Variants in CDH13 observed in about 807,000 individuals in gnomAD.
CDH13 encodes cadherin 13.
CDH13 carries 24 observed loss-of-function variants against 63.8 expected under a neutral mutation model. That is an observed-to-expected ratio of 0.38 (90% CI 0.27 to 0.53). CDH13 has a LOEUF of 0.53. CDH13 is among the 20% of genes least tolerant of loss of function. The pLI is 0.85. For missense variants in CDH13, 1,049 were observed against 903.1 expected, an observed-to-expected ratio of 1.16 and a Z score of -2.07; for synonymous variants, 503 against 355.3, an observed-to-expected ratio of 1.42 and a Z score of -4.67.
intron 2 of CDH13, among the ~76,000 whole-genome samples, chr16:82,988,585 A>T (rs2151399033): frequency 6.6e-6 from 1 of 152,154 alleles, no homozygotes; most frequent in Non-Finnish European, 1.5e-5. Flanking sequence ...AACATGGTGA[A>T]ACCCCGTCTC....
At chr16:83,623,184 G>C (rs898005331) in intron 8 of CDH13, among the ~76,000 whole-genome samples, 9 of 152,166 alleles carry the variant, frequency 5.9e-5, no homozygotes, top group African/African-American at 2.2e-4. Flanking sequence ...CGGTTGAGGG[G>C]CTGAGAGGTG....
At chr16:83,216,945 A>C (rs116981863) in intron 4 of CDH13, among the ~76,000 whole-genome samples, 2,983 of 152,194 alleles carry the variant, frequency 0.02, 55 homozygotes, top group Admixed American at 0.03. Flanking sequence ...AATACCTGGA[A>C]TCTTGATCAA....
intron 10 of CDH13, among the ~76,000 whole-genome samples, chr16:83,685,884 G>C (rs1411513562): frequency 2.0e-5 from 3 of 152,194 alleles, no homozygotes; most frequent in African/African-American, 7.2e-5. Context: ...ACTAGGCCAA[G>C]ATTTTCACAA....
intron 1 of CDH13, among the ~76,000 whole-genome samples, chr16:82,642,808 C>G (rs1032033733): frequency 3.3e-4 from 50 of 152,144 alleles, no homozygotes; most frequent in African/African-American, 1.2e-3. Context: ...ACATGTAATC[C>G]TCATAGTGAC....
At chr16:83,480,496 C>A (rs2073734199) in intron 6 of CDH13, among the ~76,000 whole-genome samples, 1 of 152,174 alleles carries the variant, frequency 6.6e-6, no homozygotes, top group African/African-American at 2.4e-5. Flanking sequence ...TGGCTCATGT[C>A]CACCTGCTTG....
At chr16:83,438,544 G>A (rs1341574471) in intron 6 of CDH13, among the ~76,000 whole-genome samples, 1 of 152,204 alleles carries the variant, frequency 6.6e-6, no homozygotes, top group Non-Finnish European at 1.5e-5. Flanking sequence ...TTTATTTCTA[G>A]TACAGCTGCT....
chr16:83,117,987 G>A (rs779273757), intron 3 of CDH13, among the ~76,000 whole-genome samples: 2 of 152,190 alleles, frequency 1.3e-5, no homozygotes, highest in African/African-American at 4.8e-5. Flanking sequence ...GCATGAAACC[G>A]GAGATCTTTG....
chr16:83,394,791 G>A (rs534634861), intron 6 of CDH13, among the ~76,000 whole-genome samples: 38 of 152,256 alleles, frequency 2.5e-4, no homozygotes, highest in Middle Eastern at 3.4e-3. Context: ...GTTAGTATCC[G>A]CAGGGGTTTG....
chr16:83,322,684 C>A (rs2090257169), intron 5 of CDH13, among the ~76,000 whole-genome samples: 1 of 152,086 alleles, frequency 6.6e-6, no homozygotes, highest in South Asian at 2.1e-4. Context: ...GTCAAGAAAC[C>A]TGGCAGAAAA....
intron 10 of CDH13, among the ~76,000 whole-genome samples, chr16:83,694,357 C>T (rs992885792): frequency 2.6e-5 from 4 of 152,200 alleles, no homozygotes; most frequent in African/African-American, 9.6e-5. Flanking sequence ...GAGTGGGTTA[C>T]TACCTCCCAC....
At chr16:83,359,754 TTC>T (rs1420220737) in intron 6 of CDH13, among the ~76,000 whole-genome samples, 1 of 152,214 alleles carries the variant, frequency 6.6e-6, no homozygotes, top group East Asian at 1.9e-4. Context: ...GTTGTCAGGA[TTC>T]TCTCTCTCAC....
intron 7 of CDH13, among the ~76,000 whole-genome samples, chr16:83,535,504 AG>A (rs2075165458): frequency 6.6e-6 from 1 of 152,188 alleles, no homozygotes; most frequent in Non-Finnish European, 1.5e-5. Context: ...TGAGGACCAA[AG>A]GAAGAGGACA....
intron 6 of CDH13, among the ~76,000 whole-genome samples, chr16:83,370,814 A>G (rs186786281): frequency 1.3e-4 from 20 of 152,298 alleles, no homozygotes; most frequent in East Asian, 1.2e-3. Flanking sequence ...GTTCTTTTGT[A>G]TAGCTGTGTA....
intron 2 of CDH13, among the ~76,000 whole-genome samples, chr16:82,947,653 A>T (rs1359935388): frequency 6.6e-6 from 1 of 152,212 alleles, no homozygotes; most frequent in Non-Finnish European, 1.5e-5. Flanking sequence ...GATATAAAAT[A>T]TCAAAAGCCA....
At chr16:83,191,726 C>T (rs529749509) in intron 4 of CDH13, among the ~76,000 whole-genome samples, 13 of 151,638 alleles carry the variant, frequency 8.6e-5, no homozygotes, top group East Asian at 2.0e-4. Flanking sequence ...CCAGCATGGG[C>T]GAAAGATGTA....
At chr16:83,214,633 TAGAG>T (rs139884201) in intron 4 of CDH13, among the ~76,000 whole-genome samples, 16,562 of 117,714 alleles carry the variant, frequency 0.14, 1,223 homozygotes, top group Non-Finnish European at 0.19. Flanking sequence ...CAGAAAAGGA[TAGAG>T]ATACCATTCT....
At chr16:83,226,849 C>G (rs553431961) in intron 5 of CDH13, among the ~76,000 whole-genome samples, 1 of 151,538 alleles carries the variant, frequency 6.6e-6, no homozygotes, top group African/African-American at 2.4e-5. Flanking sequence ...TGCAGGGGCA[C>G]GGTGGGGGAC....
chr16:83,259,207 G>T (rs1329792590), intron 5 of CDH13, among the ~76,000 whole-genome samples: 1 of 152,202 alleles, frequency 6.6e-6, no homozygotes, highest in Admixed American at 6.5e-5. Context: ...TTATGGATGG[G>T]AAAGCTGTTT....
chr16:82,900,730 C>T (rs1439675083), intron 2 of CDH13, among the ~76,000 whole-genome samples: 1 of 152,096 alleles, frequency 6.6e-6, no homozygotes, highest in Non-Finnish European at 1.5e-5. Flanking sequence ...CTGGGAGAGG[C>T]CAGTGCTAAG....
Sources: gnomAD v4.1 joint callset for allele counts (sites outside exome capture counted in the v4.1 genomes callset) on GRCh38, gnomAD v4.1.1 for gene constraint, MANE v1.5 for transcripts, NCBI Gene and HGNC (gene_info 2026-07-23, HGNC 2026-07-21) for gene names.